Variants in CMSS1 observed in about 807,000 individuals in gnomAD.
CMSS1 encodes the protein cms1 ribosomal small subunit homolog.
In CMSS1, 33 loss-of-function variants were observed where a neutral mutation model predicts 43.5. The observed-to-expected ratio is 0.76, with a 90% CI of 0.57 to 1.01. The LOEUF (loss-of-function observed/expected upper bound fraction) is 1.01, where lower values mean the gene tolerates loss of function less well. Among genes scored for constraint, CMSS1 ranks in the 50% least tolerant of loss-of-function variants. The pLI is 0.00. For synonymous variants in CMSS1, 115 were observed against 117.2 expected (o/e 0.98, Z 0.12); for missense variants, 313 against 326.4 (o/e 0.96, Z 0.32).
At chr3:99,828,268 T>C (rs1404261073) in intron 1 of CMSS1, among the ~76,000 whole-genome samples, 1 of 152,154 alleles carries the variant, frequency 6.6e-6, no homozygotes. Flanking sequence ...ACCATTGCTA[T>C]CTCTTAGCAT....
intron 1 of CMSS1, chr3:100,023,578 A>T (rs539083491): frequency 2.0e-4 from 30 of 152,730 alleles, no homozygotes; most frequent in African/African-American, 7.2e-4. Flanking sequence ...TTTTGTAAAC[A>T]GATCTGGCTT....
intron 1 of CMSS1, among the ~76,000 whole-genome samples, chr3:99,982,900 T>A (rs1709169890): frequency 6.6e-6 from 1 of 152,198 alleles, no homozygotes; most frequent in Non-Finnish European, 1.5e-5. Context: ...TGAAGACAGC[T>A]GTGTTAAACA....
Position 99,864,777 on chromosome 3 carries a change from C to T in CMSS1, c.64+46734C>T, listed in dbSNP as rs1032007094. 2.0e-4 allele frequency among the ~76,000 whole-genome samples: 31 copies of T among 152,070 alleles called. 1 individual carries two copies. The stretch of plus-strand genomic sequence containing the variant: ...ACGGCATGGTGTGCTTTTGTGCTCG[C>T]TGTCTCCCCAGGAACCACTGGATTC... On this transcript the variant is annotated intron_variant, in intron 1 of 9. Coordinates refer to ENST00000421999, the MANE Select transcript of CMSS1 (RefSeq NM_032359.4).
Position 99,876,265 on chromosome 3 carries a change from C to T in CMSS1, c.64+58222C>T, listed in dbSNP as rs973802628. On this transcript the variant is annotated intron_variant, in intron 1 of 9. Coordinates refer to ENST00000421999, the MANE Select transcript of CMSS1 (RefSeq NM_032359.4). ...GCGTGTGCGGCGCTGTCGGCGGGGGCGCCGGTGACCGCGGGACCCTCGGCC... is the reference window on the plus strand; with the variant it reads ...GCGTGTGCGGCGCTGTCGGCGGGGGTGCCGGTGACCGCGGGACCCTCGGCC... 1,261 of 966,120 alleles carry T rather than the reference C, an allele frequency of 1.3e-3. 2 individuals carry two copies. Among genetic ancestry groups the T allele is most frequent in the Non-Finnish European group, 1.5e-3 (1,223 of 812,538 alleles). The allele number at this position is 966,120 out of a possible 1,614,324, so 59.8% of individuals were successfully genotyped here.
At chr3:100,134,360 A>T (rs991244520) in intron 1 of CMSS1, among the ~76,000 whole-genome samples, 1 of 152,196 alleles carries the variant, frequency 6.6e-6, no homozygotes, top group African/African-American at 2.4e-5. Flanking sequence ...AAACTGTGGC[A>T]TAAAGTGGTT....
chr3:100,145,710 A>G (rs181351047), intron 1 of CMSS1, among the ~76,000 whole-genome samples: 3 of 152,304 alleles, frequency 2.0e-5, no homozygotes, highest in Non-Finnish European at 4.4e-5. Context: ...GCGACCCAGG[A>G]AGAGCTGGTG....
intron 1 of CMSS1, among the ~76,000 whole-genome samples, chr3:99,888,346 A>G (rs2107611241): frequency 6.6e-6 from 1 of 152,190 alleles, no homozygotes; most frequent in South Asian, 2.1e-4. Context: ...AGCCTGGGCA[A>G]CAGAGTGAGA....
intron 1 of CMSS1, among the ~76,000 whole-genome samples, chr3:99,940,777 C>T (rs765150984): frequency 6.6e-6 from 1 of 152,246 alleles, no homozygotes; most frequent in Non-Finnish European, 1.5e-5. Flanking sequence ...CTTTTGGCCT[C>T]CTCTTGCCTA....
At chr3:99,921,773 A>T (rs1156899595) in intron 1 of CMSS1, among the ~76,000 whole-genome samples, 1 of 152,228 alleles carries the variant, frequency 6.6e-6, no homozygotes, top group African/African-American at 2.4e-5. Flanking sequence ...TTCATTTTAT[A>T]TATTTCAAAA....
chr3:100,160,441 T>C lies in CMSS1; in HGVS notation c.165T>C (p.Cys55=), dbSNP rs202133468. 6.7e-7 allele frequency: 1 copy of C among 1,489,668 alleles called. No individual in the cohort carries two copies. The highest frequency in any genetic ancestry group is 1.7e-5 in the Admixed American group (1 of 58,084). The allele number at this position is 1,489,668 out of a possible 1,614,324, so 92.3% of individuals were successfully genotyped here. Residue 55 remains cysteine (C), a synonymous_variant, in exon 3 of 10, where the codon TGT becomes TGC. Coordinates refer to ENST00000421999, the MANE Select transcript of CMSS1 (RefSeq NM_032359.4). ...PSEKTKQPKE[C]FLIQPKERKE... ...GTATTTCTTAATAGCCTAAAGAATG[T>C]TTTTTGATACAACCAAAGGAAAGAA...
chr3:99,877,069 T>C (rs556390656), intron 1 of CMSS1, among the ~76,000 whole-genome samples: 116 of 152,234 alleles, frequency 7.6e-4, no homozygotes, highest in Non-Finnish European at 1.4e-3. Flanking sequence ...GTAGATTTAC[T>C]TGTACAAATC....
rs367729282 is a variant in CMSS1 at position 100,123,168 on chromosome 3, G to A, written c.65-23805G>A. ...GAGAAAATCATGACAGAGAACTGGG[G>A]GAGTGAGCGAACCTCAGATGTCAGA... is the stretch of plus-strand genomic sequence containing the variant. On this transcript the variant is annotated intron_variant, in intron 1 of 9. Transcript: ENST00000421999. Among the ~76,000 whole-genome samples the A allele has an allele frequency of 1.1e-4, 17 of 152,322 alleles. No individual in the cohort carries two copies. The East Asian group carries it at 2.9e-3, about 26-fold the overall frequency.
intron 1 of CMSS1, chr3:99,850,762 T>C: frequency 6.2e-7 from 1 of 1,614,224 alleles, no homozygotes; most frequent in Non-Finnish European, 8.5e-7. Flanking sequence ...TGTGTCTTGG[T>C]CTTGGTGAAA....
intron 1 of CMSS1, among the ~76,000 whole-genome samples, chr3:100,063,512 A>G (rs2065610049): frequency 6.6e-6 from 1 of 152,190 alleles, no homozygotes; most frequent in African/African-American, 2.4e-5. Context: ...GAAAAACTTT[A>G]TAAATCAAAT....
At chr3:99,977,916 A>C (rs1448489788) in intron 1 of CMSS1, among the ~76,000 whole-genome samples, 1 of 152,162 alleles carries the variant, frequency 6.6e-6, no homozygotes, top group Non-Finnish European at 1.5e-5. Flanking sequence ...CATTAACCTA[A>C]AAGAAAAAAT....
intron 1 of CMSS1, among the ~76,000 whole-genome samples, chr3:99,825,993 G>A (rs1425971940): frequency 1.3e-5 from 2 of 151,788 alleles, no homozygotes; most frequent in Non-Finnish European, 2.9e-5. Context: ...AGGCAGGATG[G>A]TCTTGATCTC....
At chr3:99,916,437 TACACACACACACACACACAC>T (rs10529210) in intron 1 of CMSS1, among the ~76,000 whole-genome samples, 11 of 137,180 alleles carry the variant, frequency 8.0e-5, no homozygotes, top group East Asian at 4.4e-4. Context: ...TAACGGTTTA[TACACACACACACACACACAC>T]ACACACACAC....
chr3:99,929,518 G>T (rs1472897825), intron 1 of CMSS1, among the ~76,000 whole-genome samples: 2 of 145,744 alleles, frequency 1.4e-5, no homozygotes, highest in Non-Finnish European at 3.0e-5. Context: ...CCCAGAGTGT[G>T]TGTGTGTGTG....
At chr3:100,091,940 C>T (rs1403465949) in intron 1 of CMSS1, among the ~76,000 whole-genome samples, 1 of 152,156 alleles carries the variant, frequency 6.6e-6, no homozygotes, top group Non-Finnish European at 1.5e-5. Flanking sequence ...TCAGATTTCT[C>T]AGGTTAGAAT....
Sources: allele counts gnomAD v4.1 joint callset (sites outside exome capture counted in the v4.1 genomes callset), GRCh38; gene constraint gnomAD v4.1.1; transcripts MANE v1.5; gene names NCBI Gene and HGNC (gene_info 2026-07-23, HGNC 2026-07-21).